Variants in GPC6 observed in about 807,000 individuals in gnomAD.
The protein encoded by GPC6 is glypican-6.
A neutral mutation model predicts 55.2 loss-of-function variants in GPC6; 14 were observed. The ratio of observed to expected loss-of-function variants is 0.25; its 90% CI spans 0.17 to 0.40. GPC6 has a LOEUF of 0.40. GPC6 is among the 10% of genes least tolerant of loss of function. The pLI is 1.00. For missense variants in GPC6, 641 were observed against 708.5 expected, an observed-to-expected ratio of 0.90 and a Z score of 1.08; for synonymous variants, 278 against 259.6, an observed-to-expected ratio of 1.07 and a Z score of -0.68.
chr13:94,161,107 G>C (rs1031930850), intron 4 of GPC6, among the ~76,000 whole-genome samples: 5 of 152,192 alleles, frequency 3.3e-5, no homozygotes, highest in African/African-American at 1.2e-4. Flanking sequence ...GTTTGCCTCA[G>C]TGAATCATAT....
intron 2 of GPC6, among the ~76,000 whole-genome samples, chr13:93,578,730 G>C (rs1185298159): frequency 1.4e-5 from 2 of 147,744 alleles, no homozygotes; most frequent in African/African-American, 5.0e-5. Flanking sequence ...CGAGTTTTCT[G>C]TTTGACTTTT....
intron 4 of GPC6, among the ~76,000 whole-genome samples, chr13:94,153,312 A>G (rs1338515868): frequency 6.6e-6 from 1 of 152,182 alleles, no homozygotes; most frequent in Non-Finnish European, 1.5e-5. Flanking sequence ...AATAAAGATC[A>G]TCACTGTTAC....
intron 1 of GPC6, among the ~76,000 whole-genome samples, chr13:93,291,111 T>C (rs1019229678): frequency 1.3e-5 from 2 of 152,190 alleles, no homozygotes; most frequent in Non-Finnish European, 2.9e-5. Context: ...GCTGACATAG[T>C]ATGGCATTGA....
intron 1 of GPC6, among the ~76,000 whole-genome samples, chr13:93,514,594 T>C (rs559223434): frequency 3.2e-4 from 48 of 152,330 alleles, no homozygotes; most frequent in Admixed American, 7.2e-4. Context: ...TACTCCCACA[T>C]ATACAGATTC....
At chr13:93,760,592 A>G (rs867389519) in intron 2 of GPC6, among the ~76,000 whole-genome samples, 9 of 152,152 alleles carry the variant, frequency 5.9e-5, no homozygotes, top group African/African-American at 9.7e-5. Context: ...AGACCTGACT[A>G]TCTAAAAATG....
intron 4 of GPC6, among the ~76,000 whole-genome samples, chr13:94,272,947 G>A (rs1892093274): frequency 6.6e-6 from 1 of 152,144 alleles, no homozygotes; most frequent in African/African-American, 2.4e-5. Flanking sequence ...CTTCACACAT[G>A]AAGAGGGTGA....
At chr13:93,909,303 C>T (rs752728579) in intron 3 of GPC6, among the ~76,000 whole-genome samples, 29 of 151,990 alleles carry the variant, frequency 1.9e-4, no homozygotes, top group Non-Finnish European at 3.1e-4. Flanking sequence ...GATTAGAAAG[C>T]CTATTATTGA....
chr13:93,616,231 A>G (rs759401251), intron 2 of GPC6, among the ~76,000 whole-genome samples: 4 of 152,162 alleles, frequency 2.6e-5, no homozygotes, highest in Non-Finnish European at 5.9e-5. Flanking sequence ...TTCAAAATAA[A>G]AAATTGAATT....
intron 2 of GPC6, among the ~76,000 whole-genome samples, chr13:93,726,039 C>A (rs9524177): frequency 0.2 from 29,622 of 148,776 alleles, 3,374 homozygotes; most frequent in Middle Eastern, 0.35. Context: ...ATATCCATAG[C>A]TATCATTCAC....
chr13:93,538,115 A>G (rs191691949), intron 1 of GPC6, among the ~76,000 whole-genome samples: 50 of 152,258 alleles, frequency 3.3e-4, no homozygotes, highest in Admixed American at 1.8e-3. Context: ...ATAAGCTGGA[A>G]CTACAAGCCC....
At chr13:93,361,510 T>C (rs925393148) in intron 1 of GPC6, among the ~76,000 whole-genome samples, 2 of 152,218 alleles carry the variant, frequency 1.3e-5, no homozygotes, top group Non-Finnish European at 2.9e-5. Context: ...CAGACATTCA[T>C]AGCCATTATC....
chr13:93,984,244 G>A (rs1880926292), intron 3 of GPC6, among the ~76,000 whole-genome samples: 1 of 152,034 alleles, frequency 6.6e-6, no homozygotes, highest in African/African-American at 2.4e-5. Context: ...CATAATTAAT[G>A]AGGAGGTGGG....
intron 6 of GPC6, among the ~76,000 whole-genome samples, chr13:94,325,774 C>T (rs189580070): frequency 1.2e-4 from 18 of 152,214 alleles, no homozygotes; most frequent in African/African-American, 3.4e-4. Context: ...CCGTGTGACC[C>T]GAAGAGCTCT....
At chr13:93,526,134 A>G (rs1036057651) in intron 1 of GPC6, among the ~76,000 whole-genome samples, 1 of 152,080 alleles carries the variant, frequency 6.6e-6, no homozygotes, top group Non-Finnish European at 1.5e-5. Flanking sequence ...TGATAGCTAA[A>G]AATTCTGTTT....
chr13:93,731,708 G>A (rs1400926638), intron 2 of GPC6, among the ~76,000 whole-genome samples: 1 of 152,088 alleles, frequency 6.6e-6, no homozygotes, highest in Non-Finnish European at 1.5e-5. Flanking sequence ...GTGGATTATA[G>A]ATATGGATGT....
chr13:93,496,301 C>T (rs1429406456), intron 1 of GPC6, among the ~76,000 whole-genome samples: 3 of 152,204 alleles, frequency 2.0e-5, no homozygotes, highest in Admixed American at 2.0e-4. Flanking sequence ...GTGCGTCCCT[C>T]ACCCCTTTCT....
chr13:94,286,419 T>C lies in GPC6; in HGVS notation c.948T>C (p.Asp316=), dbSNP rs778852989. 1 of 1,613,808 alleles carries C rather than the reference T, an allele frequency of 6.2e-7. No homozygotes were observed. The highest frequency in any genetic ancestry group is 1.1e-5 in the South Asian group (1 of 91,070). Residue 316 remains aspartate (D), a synonymous_variant, in exon 5 of 9, where the codon GAT becomes GAC. Coordinates refer to ENST00000377047, the MANE Select transcript of GPC6 (RefSeq NM_005708.5). ...TTGAGTCGGTCATGGACCCGATAGA[T>C]GTCAAGATTTCTGAAGCCATTATGA... The part of the protein sequence containing the change: ...FNIESVMDPI[D]VKISEAIMNM...
At chr13:94,111,425 G>A (rs1886241461) in intron 4 of GPC6, among the ~76,000 whole-genome samples, 1 of 150,842 alleles carries the variant, frequency 6.6e-6, no homozygotes, top group South Asian at 2.1e-4. Flanking sequence ...GTATTACTAT[G>A]TAACAAACCT....
rs1876128558 is a variant in GPC6 at position 93,566,528 on chromosome 13, AG to A, written c.319+21108del. ...AAAATCTAGTTGTCAAGTTGGAGAA[AG>A]TTTTTTTTTTTTTGCTTGTTTTTTT... is the stretch of plus-strand genomic sequence containing the variant. On this transcript the variant is annotated intron_variant, in intron 2 of 8. Transcript: ENST00000377047. 6.1e-5 allele frequency among the ~76,000 whole-genome samples: 9 copies of A among 148,612 alleles called. No homozygotes were observed. In the South Asian group the frequency reaches 2.0e-3, roughly 32 times the overall value.
Sources: allele counts gnomAD v4.1 joint callset (sites outside exome capture counted in the v4.1 genomes callset), GRCh38; gene constraint gnomAD v4.1.1; transcripts MANE v1.5; gene names NCBI Gene and HGNC (gene_info 2026-07-23, HGNC 2026-07-21).